MTSS1: variants seen among roughly 807,000 people sequenced by gnomAD.
The protein encoded by MTSS1 is MTSS I-BAR domain containing 1, also known as protein MTSS 1.
A neutral mutation model predicts 79.0 loss-of-function variants in MTSS1; 18 were observed. The observed-to-expected ratio is 0.23, with a 90% CI of 0.16 to 0.34. The LOEUF (loss-of-function observed/expected upper bound fraction) is 0.34, where lower values mean the gene tolerates loss of function less well. MTSS1 is among the 10% of genes least tolerant of loss of function. The pLI, the probability that MTSS1 is intolerant of heterozygous loss-of-function variation, is 1.00. For missense variants in MTSS1, 815 were observed against 986.2 expected (o/e 0.83, Z 2.33); for synonymous variants, 341 against 368.6 (o/e 0.93, Z 0.86).
At chr8:124,650,301 T>C (rs1160387642) in intron 3 of MTSS1, among the ~76,000 whole-genome samples, 1 of 152,130 alleles carries the variant, frequency 6.6e-6, no homozygotes, top group South Asian at 2.1e-4. Flanking sequence ...AGTGCTGGGA[T>C]TGCAGGCGTG....
intron 1 of MTSS1, among the ~76,000 whole-genome samples, chr8:124,709,822 G>T (rs1301877178): frequency 6.6e-6 from 1 of 152,108 alleles, no homozygotes; most frequent in Non-Finnish European, 1.5e-5. Context: ...AATCTCCAGG[G>T]GGATTCAGCA....
At chr8:124,588,789 A>ATTGCAACCTCTGCCTC (rs1831319599) in intron 5 of MTSS1, among the ~76,000 whole-genome samples, 1 of 152,198 alleles carries the variant, frequency 6.6e-6, no homozygotes, top group South Asian at 2.1e-4. Flanking sequence ...ATCTCTGCTT[A>ATTGCAACCTCTGCCTC]CTGCAACCTC....
chr8:124,634,329 T>G (rs916357231), intron 3 of MTSS1, among the ~76,000 whole-genome samples: 9 of 151,718 alleles, frequency 5.9e-5, no homozygotes, highest in African/African-American at 2.2e-4. Flanking sequence ...TTTTTTTTTG[T>G]AGAAATGACA....
rs1002210919 is a variant in MTSS1 at position 124,552,428 on chromosome 8, A to AT, written c.*563dup. The AT allele has an allele frequency of 1.9e-5, 3 of 154,206 alleles. No homozygotes were observed. The highest frequency in any genetic ancestry group is 7.2e-5 in the African/African-American group (3 of 41,400). 9.6% of individuals were successfully genotyped at this position (154,206 alleles called of 1,614,324 possible). On this transcript the variant is annotated 3_prime_UTR_variant, in exon 14 of 14. Coordinates refer to ENST00000518547, the MANE Select transcript of MTSS1 (RefSeq NM_014751.6). ...TCCCAACACAGTCTACCATTTCCAGATTTACTTCACTCTGAATATTGCTCA... is the reference window on the plus strand; with the variant it reads ...TCCCAACACAGTCTACCATTTCCAGATTTTACTTCACTCTGAATATTGCTCA...
At chr8:124,619,344 G>C (rs1256597621) in intron 3 of MTSS1, 2 of 152,244 alleles carry the variant, frequency 1.3e-5, no homozygotes, top group Non-Finnish European at 2.9e-5. Flanking sequence ...ACCTCGCCTG[G>C]GTATCACCTA....
chr8:124,676,770 T>C (rs1252275625), intron 3 of MTSS1, among the ~76,000 whole-genome samples: 1 of 152,158 alleles, frequency 6.6e-6, no homozygotes, highest in African/African-American at 2.4e-5. Flanking sequence ...GCGAGTGCAA[T>C]CACAGTAGGT....
At chr8:124,640,956 C>T (rs931893093) in intron 3 of MTSS1, among the ~76,000 whole-genome samples, 7 of 151,930 alleles carry the variant, frequency 4.6e-5, no homozygotes, top group African/African-American at 1.7e-4. Context: ...CTTTCCAAAA[C>T]ACATAACTTA....
At chr8:124,568,832 C>T (rs1827125641) in intron 6 of MTSS1, 3 of 1,438,378 alleles carry the variant, frequency 2.1e-6, no homozygotes, top group Non-Finnish European at 2.7e-6. Flanking sequence ...AACTCTTCTG[C>T]CAACACAACC....
chr8:124,727,740 G>T lies in MTSS1; in HGVS notation c.72+144C>A. 1 of 708,934 alleles carries T rather than the reference G, an allele frequency of 1.4e-6. No homozygotes were observed. The allele number at this position is 708,934 out of a possible 1,614,324, so 43.9% of individuals were successfully genotyped here. On this transcript the variant is annotated intron_variant, in intron 1 of 13. Transcript: ENST00000518547. This position sits in a 1 kb window ranked among gnomAD's most constrained non-coding sequence, Gnocchi z 4.7. ...GGAGCAGCGCCCCGGGTGAGCAGGT[G>T]ACACTCCGGCCGGGAGCTCCCGCAG...
intron 3 of MTSS1, among the ~76,000 whole-genome samples, chr8:124,604,326 C>T (rs1834436969): frequency 1.3e-5 from 2 of 152,102 alleles, no homozygotes; most frequent in Non-Finnish European, 2.9e-5. Flanking sequence ...GGCCAACAGG[C>T]CATGGGTTGG....
intron 1 of MTSS1, among the ~76,000 whole-genome samples, chr8:124,720,209 T>A (rs1347992659): frequency 1.3e-5 from 2 of 152,184 alleles, no homozygotes; most frequent in Non-Finnish European, 2.9e-5. Flanking sequence ...GCACAGGCTG[T>A]GTCAAGGAAG....
At chr8:124,667,666 TAAC>T (rs779752941) in intron 3 of MTSS1, among the ~76,000 whole-genome samples, 2 of 151,398 alleles carry the variant, frequency 1.3e-5, no homozygotes, top group Non-Finnish European at 2.9e-5. Flanking sequence ...AATAAATAAA[TAAC>T]AACAACTCCG....
At chr8:124,588,621 A>C (rs1831283645) in intron 5 of MTSS1, among the ~76,000 whole-genome samples, 1 of 152,228 alleles carries the variant, frequency 6.6e-6, no homozygotes, top group Non-Finnish European at 1.5e-5. Context: ...GACCTAGGGT[A>C]AGCTTATATC....
chr8:124,704,205 A>G lies in MTSS1; in HGVS notation c.73-14T>C, dbSNP rs1182470040. ...TGGATAGCTCCCCTGCAACACATCA[A>G]AGACATCAGTAAGTCACACTGCGAT... On this transcript the variant is annotated splice_polypyrimidine_tract_variant and intron_variant, in intron 1 of 13. Transcript: ENST00000518547. 2 of 1,612,850 alleles carry G rather than the reference A, an allele frequency of 1.2e-6. No individual in the cohort carries two copies. Among genetic ancestry groups the G allele is most frequent in the Non-Finnish European group, 1.7e-6 (2 of 1,179,086 alleles).
At chr8:124,701,001 G>C (rs1192223065) in intron 2 of MTSS1, among the ~76,000 whole-genome samples, 1 of 152,176 alleles carries the variant, frequency 6.6e-6, no homozygotes, top group Non-Finnish European at 1.5e-5. Flanking sequence ...GCTGAGGTGG[G>C]AGGATCACTT....
At chr8:124,559,506 T>C (rs6470250) in intron 10 of MTSS1, among the ~76,000 whole-genome samples, 98,388 of 151,948 alleles carry the variant, frequency 0.65, 32,097 homozygotes, top group East Asian at 0.75. Context: ...GTGGCCATTG[T>C]GGGGTGGAAT....
intron 3 of MTSS1, among the ~76,000 whole-genome samples, chr8:124,624,987 G>A (rs976014159): frequency 6.6e-6 from 1 of 152,214 alleles, no homozygotes; most frequent in East Asian, 1.9e-4. Flanking sequence ...CTCAGCGGCT[G>A]TAACAACACG....
At position 124,601,778 on chromosome 8, in the gene MTSS1, C is replaced by T. The variant is rs535676967; in HGVS notation, c.209-10543G>A. Among the ~76,000 whole-genome samples the T allele has an allele frequency of 1.3e-4, 20 of 152,322 alleles. No individual in the cohort carries two copies. The South Asian group carries it at 1.4e-3, about 11-fold the overall frequency. Reference sequence around the variant, plus strand: ...GATGCCTGGAGGCCAGCACTAGCCACGGCTACACAGCTCTGCACACACGCA... The same window carrying T: ...GATGCCTGGAGGCCAGCACTAGCCATGGCTACACAGCTCTGCACACACGCA... On this transcript the variant is annotated intron_variant, in intron 3 of 13. Coordinates refer to ENST00000518547, the MANE Select transcript of MTSS1 (RefSeq NM_014751.6).
rs1491402314 is a variant in MTSS1 at position 124,557,893 on chromosome 8, AAG to A, written c.1036-20_1036-19del. ...TTAGACAACTGGAAACAAACAAAAA[AAG>A]GGGGGGGGAAGGAAAAAAAATTAAT... On this transcript the variant is annotated intron_variant, in intron 10 of 13. Transcript: ENST00000518547. 5.2e-6 allele frequency: 8 copies of A among 1,529,848 alleles called. No individual in the cohort carries two copies. The highest frequency in any genetic ancestry group is 1.4e-5 in the African/African-American group (1 of 72,414). 94.8% of individuals were successfully genotyped at this position (1,529,848 alleles called of 1,614,324 possible).
Sources: gnomAD v4.1 joint callset for allele counts (sites outside exome capture counted in the v4.1 genomes callset) on GRCh38, gnomAD v4.1.1 for gene constraint, Gnocchi (gnomAD v3.1) non-coding constraint, MANE v1.5 for transcripts, NCBI Gene and HGNC (gene_info 2026-07-23, HGNC 2026-07-21) for gene names.